The following PPP2R2B variants were observed in gnomAD, a reference collection of about 807,000 sequenced individuals.
PPP2R2B encodes protein phosphatase 2 regulatory subunit Bbeta, also known as serine/threonine-protein phosphatase 2A 55 kDa regulatory subunit B beta isoform.
Under a neutral mutation model 46.0 loss-of-function variants are expected in PPP2R2B, and 5 were observed. The observed-to-expected ratio is 0.11, with a 90% CI of 0.06 to 0.23. The LOEUF is 0.23. Among genes scored for constraint, PPP2R2B ranks in the 10% least tolerant of loss-of-function variants. The probability of loss-of-function intolerance (pLI) is 1.00; values close to 1 mark genes in which losing one functional copy is unlikely to be tolerated. For missense variants in PPP2R2B, 367 were observed against 575.0 expected (o/e 0.64, Z 3.70); for synonymous variants, 215 against 206.7 (o/e 1.04, Z -0.34).
chr5:146,937,776 A>C (rs1764202380), intron 1 of PPP2R2B, among the ~76,000 whole-genome samples: 1 of 152,200 alleles, frequency 6.6e-6, no homozygotes, highest in Non-Finnish European at 1.5e-5. Flanking sequence ...AATGTGTGGG[A>C]CAGATGATCT....
chr5:146,650,450 A>G, intron 6 of PPP2R2B, 97 bp downstream of exon 6: 1 of 1,119,756 alleles, frequency 8.9e-7, no homozygotes, highest in Non-Finnish European at 1.3e-6. Context: ...CGCAAATGCT[A>G]GGTGTTGCAT....
intron 3 of PPP2R2B, among the ~76,000 whole-genome samples, chr5:146,700,040 T>G (rs1232623756): frequency 6.6e-6 from 1 of 152,204 alleles, no homozygotes; most frequent in Non-Finnish European, 1.5e-5. Context: ...TACGATGCCC[T>G]TATAGAAATT....
intron 2 of PPP2R2B, among the ~76,000 whole-genome samples, chr5:147,078,526 G>A (rs1017480701): frequency 1.5e-4 from 23 of 152,216 alleles, no homozygotes; most frequent in African/African-American, 3.9e-4. Flanking sequence ...GGTGGCTCAC[G>A]CCTGTAATCC....
chr5:146,847,768 C>T (rs1170126679), intron 2 of PPP2R2B, among the ~76,000 whole-genome samples: 1 of 152,142 alleles, frequency 6.6e-6, no homozygotes, highest in African/African-American at 2.4e-5. Flanking sequence ...AGGAAAACTC[C>T]CTAAGGTAGG....
chr5:146,606,238 C>T lies in PPP2R2B; in HGVS notation c.791-5778G>A, dbSNP rs940228447. ...AGGTGCAGGCTGTTGCTGGGTGTGG[C>T]TCCTTTCTCTTGACCTTACACTGGA... On this transcript the variant is annotated intron_variant, in intron 7 of 9. Coordinates refer to ENST00000394411, the MANE Select transcript of PPP2R2B (RefSeq NM_181675.4). 6.6e-5 allele frequency among the ~76,000 whole-genome samples: 10 copies of T among 152,232 alleles called. No homozygotes were observed. The East Asian group carries it at 1.9e-3, about 29-fold the overall frequency.
At chr5:146,733,408 A>AC (rs1319212811) in intron 2 of PPP2R2B, among the ~76,000 whole-genome samples, 3 of 152,174 alleles carry the variant, frequency 2.0e-5, no homozygotes, top group African/African-American at 7.2e-5. Context: ...CAACAGAACT[A>AC]CCCTTGGCCC....
In PPP2R2B at chr5:146,588,019, A is replaced by AAT. The variant is rs1232683152; in HGVS notation, c.*1926_*1927dup. On this transcript the variant is annotated 3_prime_UTR_variant, in exon 10 of 10. Coordinates refer to ENST00000394411, the MANE Select transcript of PPP2R2B (RefSeq NM_181675.4). ...CCAATAACCCAGTGGCCTTCTGCAAAATCATCACTCTCTATGACTGGCAGA... is the reference window on the plus strand; with the variant it reads ...CCAATAACCCAGTGGCCTTCTGCAAAATATCATCACTCTCTATGACTGGCAGA... The AAT allele has an allele frequency of 6.6e-6, 1 of 152,160 alleles. No homozygotes were observed. Among genetic ancestry groups the AAT allele is most frequent in the Non-Finnish European group, 1.5e-5 (1 of 68,026 alleles). 9.4% of individuals were successfully genotyped at this position (152,160 alleles called of 1,614,324 possible).
rs115265844 is a variant in PPP2R2B at position 146,636,667 on chromosome 5, G to T, written c.790+1584C>A. On this transcript the variant is annotated intron_variant, in intron 7 of 9. Coordinates refer to ENST00000394411, the MANE Select transcript of PPP2R2B (RefSeq NM_181675.4). ...AGCTTAAGAAGGACTGGATACTATGGGAACCAGACTCTGGGTATAATATAA... is the reference window on the plus strand; with the variant it reads ...AGCTTAAGAAGGACTGGATACTATGTGAACCAGACTCTGGGTATAATATAA... Among the ~76,000 whole-genome samples, 575 of 152,192 alleles carry T rather than the reference G, an allele frequency of 3.8e-3. 4 individuals carry two copies. Among genetic ancestry groups the T allele is most frequent in the South Asian group, 0.016 (78 of 4,806 alleles).
At chr5:146,934,091 T>C (rs1340218992) in intron 1 of PPP2R2B, among the ~76,000 whole-genome samples, 3 of 152,238 alleles carry the variant, frequency 2.0e-5, no homozygotes, top group Middle Eastern at 6.8e-3. Context: ...TTCTTGGACA[T>C]TTGGGTTGGT....
intron 7 of PPP2R2B, among the ~76,000 whole-genome samples, chr5:146,629,535 A>G (rs1379836547): frequency 6.6e-6 from 1 of 151,840 alleles, no homozygotes; most frequent in African/African-American, 2.4e-5. Flanking sequence ...CAGGCCTGGC[A>G]CCCCTTGTCT....
intron 7 of PPP2R2B, among the ~76,000 whole-genome samples, chr5:146,623,477 A>G (rs1282547227): frequency 6.6e-6 from 1 of 152,252 alleles, no homozygotes; most frequent in East Asian, 1.9e-4. Flanking sequence ...TTAGCACAAT[A>G]CTTTGTTAAC....
At chr5:146,887,132 A>G (rs912773828) in intron 1 of PPP2R2B, among the ~76,000 whole-genome samples, 9 of 152,110 alleles carry the variant, frequency 5.9e-5, no homozygotes, top group Admixed American at 5.2e-4. Context: ...TATCTTATTT[A>G]ATCTGTCAAA....
chr5:146,888,187 C>T (rs1762388742), intron 1 of PPP2R2B, among the ~76,000 whole-genome samples: 1 of 152,040 alleles, frequency 6.6e-6, no homozygotes, highest in African/African-American at 2.4e-5. Context: ...ACTCACATAA[C>T]AACAAAACCC....
intron 2 of PPP2R2B, chr5:147,080,998 AT>A: frequency 6.9e-7 from 1 of 1,458,214 alleles, no homozygotes; most frequent in East Asian, 2.5e-5. Flanking sequence ...AAAGTTTTTA[AT>A]TTTGAAATCA....
At chr5:147,016,305 T>G (rs1174517296) in intron 1 of PPP2R2B, among the ~76,000 whole-genome samples, 7 of 151,050 alleles carry the variant, frequency 4.6e-5, no homozygotes, top group Admixed American at 4.0e-4. Context: ...ACTGCACTCC[T>G]GCCTAGGTGA....
intron 2 of PPP2R2B, among the ~76,000 whole-genome samples, chr5:146,790,719 T>A (rs1008940154): frequency 2.6e-5 from 4 of 152,234 alleles, no homozygotes; most frequent in Non-Finnish European, 5.9e-5. Flanking sequence ...CACACTCTCC[T>A]TCTCTTGCCT....
chr5:146,707,458 AC>A, intron 2 of PPP2R2B: 1 of 759,636 alleles, frequency 1.3e-6, no homozygotes, highest in Non-Finnish European at 2.4e-6. Context: ...ACCATAGGCC[AC>A]CCCGGAAGCT....
At chr5:146,768,887 A>C (rs958310448) in intron 2 of PPP2R2B, among the ~76,000 whole-genome samples, 4 of 110,038 alleles carry the variant, frequency 3.6e-5, no homozygotes, top group East Asian at 4.8e-4. Flanking sequence ...ATTTGTTGTT[A>C]CTTTTTTTTT....
At chr5:146,658,048 T>A (rs1217076474) in intron 5 of PPP2R2B, among the ~76,000 whole-genome samples, 1 of 152,168 alleles carries the variant, frequency 6.6e-6, no homozygotes, top group Non-Finnish European at 1.5e-5. Flanking sequence ...ACACAGAGTA[T>A]CCTTGAGAAG....
Sources: gnomAD v4.1 joint callset for allele counts (sites outside exome capture counted in the v4.1 genomes callset) on GRCh38, gnomAD v4.1.1 for gene constraint, MANE v1.5 for transcripts, NCBI Gene and HGNC (gene_info 2026-07-23, HGNC 2026-07-21) for gene names.